TAGAP: variants seen among roughly 807,000 people sequenced by gnomAD.
The protein encoded by TAGAP is T cell activation RhoGTPase activating protein.
In TAGAP, 16 loss-of-function variants were observed where a neutral mutation model predicts 36.0. The observed-to-expected ratio is 0.44, with a 90% CI of 0.30 to 0.68. TAGAP has a LOEUF of 0.68. Ranked by LOEUF, TAGAP falls within the 30% of genes least tolerant of loss-of-function variation. TAGAP has a pLI of 0.09. For missense variants in TAGAP, 794 were observed against 921.5 expected, an observed-to-expected ratio of 0.86 and a Z score of 1.79; for synonymous variants, 372 against 377.4, an observed-to-expected ratio of 0.99 and a Z score of 0.17.
Position 159,043,873 on chromosome 6 carries a change from T to C in TAGAP, c.81+105A>G. ...AATTTACTACATGTGTGATGTTAGT[T>C]TACTACTCTTATAATTACTATTCAA... is the stretch of plus-strand genomic sequence containing the variant. On this transcript the variant is annotated intron_variant, in intron 3 of 9. Coordinates refer to ENST00000367066, the MANE Select transcript of TAGAP (RefSeq NM_054114.5). 9.0e-6 allele frequency: 10 copies of C among 1,113,456 alleles called. No individual in the cohort carries two copies. The South Asian group carries it at 1.4e-4, about 15-fold the overall frequency. 69.0% of individuals were successfully genotyped at this position (1,113,456 alleles called of 1,614,324 possible).
chr6:159,043,497 T>G (rs760512036), intron 4 of TAGAP, 92 bp downstream of exon 4: 8 of 1,196,186 alleles, frequency 6.7e-6, no homozygotes, highest in Non-Finnish European at 9.9e-6. Flanking sequence ...TACAAAAAAA[T>G]TCCTAGTAGA....
chr6:159,039,817 A>G (rs1779683701), intron 7 of TAGAP, among the ~76,000 whole-genome samples: 1 of 152,260 alleles, frequency 6.6e-6, no homozygotes, highest in South Asian at 2.1e-4. Flanking sequence ...GCATGTTCAT[A>G]TAAGGCGGCA....
Position 159,040,708 on chromosome 6 carries a change from A to T in TAGAP, c.587+15T>A, listed in dbSNP as rs779432009. The stretch of plus-strand genomic sequence containing the variant: ...TGATGTGGCCTGGCAATGACCGATG[A>T]CTTTGATGACTTACTGTTTCAGGGC... On this transcript the variant is annotated intron_variant, in intron 7 of 9. Transcript: ENST00000367066. 2.5e-6 allele frequency: 4 copies of T among 1,607,786 alleles called. No homozygotes were observed. The South Asian group carries it at 4.4e-5, about 18-fold the overall frequency.
chr6:159,038,027 C>T, intron 9 of TAGAP, 87 bp downstream of exon 9: 1 of 863,872 alleles, frequency 1.2e-6, no homozygotes, highest in East Asian at 2.5e-5. Context: ...TAACTTCTGC[C>T]TCAAATATCA....
At position 159,036,081 on chromosome 6, in the gene TAGAP, G is replaced by A. The variant is rs377118382; in HGVS notation, c.1942C>T (p.His648Tyr). ...GGGAGTGGCTCTTTGCTGCCCCTGTGTCTTGAGTCCTCTACGTGGTGAGCA... is the reference window on the plus strand; with the variant it reads ...GGGAGTGGCTCTTTGCTGCCCCTGTATCTTGAGTCCTCTACGTGGTGAGCA... ...PPAHHVEDSR[H>Y]RGSKEPLPGH... Residue 648 changes from histidine (H) to tyrosine (Y), a missense_variant, in exon 10 of 10, where the codon CAC becomes TAC. His to Tyr is a moderately conservative substitution (Grantham distance 83, BLOSUM62 2). Coordinates refer to ENST00000367066, the MANE Select transcript of TAGAP (RefSeq NM_054114.5). This position sits in a 1 kb window ranked among gnomAD's most constrained non-coding sequence, Gnocchi z 4.9. The A allele has an allele frequency of 7.4e-6, 12 of 1,613,592 alleles. No individual in the cohort carries two copies. Among genetic ancestry groups the A allele is most frequent in the Non-Finnish European group, 9.3e-6 (11 of 1,179,716 alleles).
intron 8 of TAGAP, among the ~76,000 whole-genome samples, chr6:159,038,532 G>C (rs1218468930): frequency 1.3e-5 from 2 of 151,952 alleles, no homozygotes; most frequent in African/African-American, 4.8e-5. Flanking sequence ...GGGACTACGG[G>C]CGCCCGCCAC....
Position 159,036,261 on chromosome 6 carries a change from C to G in TAGAP, c.1762G>C (p.Glu588Gln). ...TAAGAGGGTGGGCTTCCAGGCCTCTCCCAGTCAGCTCCCTGGAACACATCA... is the reference window on the plus strand; with the variant it reads ...TAAGAGGGTGGGCTTCCAGGCCTCTGCCAGTCAGCTCCCTGGAACACATCA... ...VDDVFQGADW[E>Q]RPGSPPSYEE... The change falls in exon 10 of 10, where the codon GAG (glutamate) becomes CAG (glutamine). Residue 588 changes from glutamate (E) to glutamine (Q), a missense_variant. Transcript: ENST00000367066. This position sits in a 1 kb window ranked among gnomAD's most constrained non-coding sequence, Gnocchi z 4.9. The G allele has an allele frequency of 6.2e-7, 1 of 1,612,696 alleles. No homozygotes were observed. The highest frequency in any genetic ancestry group is 8.5e-7 in the Non-Finnish European group (1 of 1,179,982).
intron 4 of TAGAP, chr6:159,042,920 A>G (rs1231965322): frequency 7.2e-5 from 11 of 152,632 alleles, no homozygotes; most frequent in Admixed American, 7.2e-4. Context: ...TTATCAAGAT[A>G]TTCTGTCCTT....
At position 159,034,569 on chromosome 6, in the gene TAGAP, A is replaced by G. The variant is rs1779461810; in HGVS notation, c.*1258T>C. 6.6e-6 allele frequency: 1 copy of G among 152,254 alleles called. No homozygotes were observed. Among genetic ancestry groups the G allele is most frequent in the East Asian group, 1.9e-4 (1 of 5,208 alleles). The allele number at this position is 152,254 out of a possible 1,614,324, so 9.4% of individuals were successfully genotyped here. A position where few individuals can be genotyped will look rare whatever the true frequency, so the allele number is the denominator to read the frequency against. Reference sequence around the variant, plus strand: ...TCTAAGATACTGGATAAATATCTTAATAATCGAACAGTAAAGCTCTAATAC... The same window carrying G: ...TCTAAGATACTGGATAAATATCTTAGTAATCGAACAGTAAAGCTCTAATAC... On this transcript the variant is annotated 3_prime_UTR_variant, in exon 10 of 10. Transcript: ENST00000367066.
chr6:159,035,924 G>C lies in TAGAP; in HGVS notation c.2099C>G (p.Ser700Cys). 1 of 1,614,194 alleles carries C rather than the reference G, an allele frequency of 6.2e-7. No individual in the cohort carries two copies. Among genetic ancestry groups the C allele is most frequent in the Non-Finnish European group, 8.5e-7 (1 of 1,180,026 alleles). Residue 700 changes from serine (S) to cysteine (C), a missense_variant, in exon 10 of 10, where the codon TCC (serine) becomes TGC (cysteine). Coordinates refer to ENST00000367066, the MANE Select transcript of TAGAP (RefSeq NM_054114.5). ...ACAGTCCCGCTTATTCCTCTGCACG[G>C]ACTCGGAGACGGTCCTCAGCGGGAG... ...ELLPLRTVSE[S>C]VQRNKRDCLV... is the part of the protein sequence containing the mutation.
chr6:159,038,648 C>T (rs1479235807), intron 8 of TAGAP, among the ~76,000 whole-genome samples: 1 of 152,060 alleles, frequency 6.6e-6, no homozygotes, highest in Admixed American at 6.6e-5. Flanking sequence ...CCTCGGCCTC[C>T]CAAAGTGCTG....
chr6:159,036,937 C>G lies in TAGAP; in HGVS notation c.1086G>C (p.Val362=). ...EVSPEPIVST[V]ARLKSSLAQP... ...GTGCGAGGGAGCTTTTCAGCCTGGC[C>G]ACGGTGCTCACAATGGGCTCTGGGC... The change falls in exon 10 of 10, where the codon GTG becomes GTC. Residue 362 remains valine, a synonymous_variant. Transcript: ENST00000367066. The surrounding 1 kb of genome is among the most constrained non-coding windows in gnomAD (Gnocchi z 4.9). 6.2e-7 allele frequency: 1 copy of G among 1,613,638 alleles called. No homozygotes were observed. The highest frequency in any genetic ancestry group is 8.5e-7 in the Non-Finnish European group (1 of 1,179,618).
chr6:159,043,960 T>C lies in TAGAP; in HGVS notation c.81+18A>G, dbSNP rs756571361. ...TTCTCACAGTACAGATAAAAAGTCT[T>C]AAAAATTGCTTTCTTACCTCTGATT... is the stretch of plus-strand genomic sequence containing the variant. On this transcript the variant is annotated intron_variant, in intron 3 of 9. Coordinates refer to ENST00000367066, the MANE Select transcript of TAGAP (RefSeq NM_054114.5). 6.2e-7 allele frequency: 1 copy of C among 1,609,752 alleles called. No individual in the cohort carries two copies. The highest frequency in any genetic ancestry group is 8.5e-7 in the Non-Finnish European group (1 of 1,177,046).
intron 1 of TAGAP, 74 bp from the exon 2 acceptor site, chr6:159,044,278 G>A: frequency 1.1e-6 from 1 of 877,478 alleles, no homozygotes. Context: ...CTTTGCCAAA[G>A]CACAGAGTTT....
chr6:159,037,918 G>A lies in TAGAP; in HGVS notation c.898+196C>T, dbSNP rs1022946016. 2.0e-5 allele frequency among the ~76,000 whole-genome samples: 3 copies of A among 152,194 alleles called. No homozygotes were observed. The highest frequency in any genetic ancestry group is 2.9e-5 in the Non-Finnish European group (2 of 68,032). On this transcript the variant is annotated intron_variant, in intron 9 of 9. Transcript: ENST00000367066. This position sits in a 1 kb window ranked among gnomAD's most constrained non-coding sequence, Gnocchi z 5.1. ...TGGGAAGGGGGAAAGACTATCTGTGGTCTGAGGAGGCGCTGCAGGAAAAGC... is the reference window on the plus strand; with the variant it reads ...TGGGAAGGGGGAAAGACTATCTGTGATCTGAGGAGGCGCTGCAGGAAAAGC...
Position 159,035,841 on chromosome 6 carries a change from C to A in TAGAP, c.2182G>T (p.Glu728Ter). 1 of 1,599,622 alleles carries A rather than the reference C, an allele frequency of 6.3e-7. No individual in the cohort carries two copies. The highest frequency in any genetic ancestry group is 8.6e-7 in the Non-Finnish European group (1 of 1,168,268). ...FEADQFQYAKESYI is the reference protein window; with the variant it reads ...FEADQFQYAK ...TGGCCTCCCTCCTAAATATACGATT[C>A]TTTGGCATATTGGAATTGGTCAGCC... is the stretch of plus-strand genomic sequence containing the variant. The change falls in exon 10 of 10, where the codon GAA (glutamate) becomes TAA (stop). Residue 728 changes from glutamate to a stop codon, truncating the protein, a stop_gained. Coordinates refer to ENST00000367066, the MANE Select transcript of TAGAP (RefSeq NM_054114.5). LOFTEE classifies it high-confidence loss of function.
intron 8 of TAGAP, chr6:159,038,796 A>T: frequency 1.5e-6 from 1 of 659,374 alleles, no homozygotes; most frequent in Non-Finnish European, 2.0e-6. Context: ...TTAAGTAAGT[A>T]GTGTCCCAGA....
In TAGAP at chr6:159,037,054, A is replaced by G. The variant is rs1271971885; in HGVS notation, c.969T>C (p.Ser323=). 1 of 1,613,126 alleles carries G rather than the reference A, an allele frequency of 6.2e-7. No homozygotes were observed. The highest frequency in any genetic ancestry group is 2.2e-5 in the East Asian group (1 of 44,880). Residue 323 remains serine, a synonymous_variant, in exon 10 of 10, where the codon AGT becomes AGC. Transcript: ENST00000367066. The surrounding 1 kb of genome is among the most constrained non-coding windows in gnomAD (Gnocchi z 5.1). ...NDPDVESNSS[S]GISSPSRQPQ... ...GCTGCCTGCTGGGAGAGCTGATGCCACTGCTGCTGTTGGATTCCACATCAG... is the reference window on the plus strand; with the variant it reads ...GCTGCCTGCTGGGAGAGCTGATGCCGCTGCTGCTGTTGGATTCCACATCAG...
intron 8 of TAGAP, 27 bp from the exon 9 acceptor site, chr6:159,038,255 A>T: frequency 9.6e-7 from 1 of 1,046,594 alleles, no homozygotes; most frequent in Non-Finnish European, 1.4e-6. Flanking sequence ...GCAATTTGTC[A>T]GCTTGAAGAC....
Sources: gnomAD v4.1 joint callset for allele counts (sites outside exome capture counted in the v4.1 genomes callset) on GRCh38, gnomAD v4.1.1 for gene constraint, Gnocchi (gnomAD v3.1) non-coding constraint, MANE v1.5 for transcripts, NCBI Gene and HGNC (gene_info 2026-07-23, HGNC 2026-07-21) for gene names.